PDIA3: variants seen among roughly 807,000 people sequenced by gnomAD.
PDIA3 encodes the protein protein disulfide-isomerase A3.
Under a neutral mutation model 56.9 loss-of-function variants are expected in PDIA3, and 16 were observed. That is an observed-to-expected ratio of 0.28 (90% CI 0.19 to 0.43). The LOEUF is 0.43. Ranked by LOEUF, PDIA3 falls within the 20% of genes least tolerant of loss-of-function variation. PDIA3 has a pLI of 1.00. For missense variants in PDIA3, 485 were observed against 621.3 expected, an observed-to-expected ratio of 0.78 and a Z score of 2.33; for synonymous variants, 192 against 216.5, an observed-to-expected ratio of 0.89 and a Z score of 0.99.
chr15:43,769,557 G>T lies in PDIA3; in HGVS notation c.1177G>T (p.Glu393Ter). 1 of 1,612,894 alleles carries T rather than the reference G, an allele frequency of 6.2e-7. No individual in the cohort carries two copies. The highest frequency in any genetic ancestry group is 8.5e-7 in the Non-Finnish European group (1 of 1,178,870). ...AENFDEIVNN[E>*]NKDVLIEFYA... ...GAATTTTGATGAAATAGTGAATAAT[G>T]AAAATAAAGATGTGCTGATTGAATT... is the stretch of plus-strand genomic sequence containing the variant. The change falls in exon 10 of 13, where the codon GAA becomes TAA. Residue 393 changes from glutamate to a stop codon, truncating the protein, a stop_gained. Coordinates refer to ENST00000300289, the MANE Select transcript of PDIA3 (RefSeq NM_005313.5). LOFTEE classifies it high-confidence loss of function.
intron 1 of PDIA3, among the ~76,000 whole-genome samples, chr15:43,748,602 A>T (rs2141641412): frequency 6.6e-6 from 1 of 152,342 alleles, no homozygotes; most frequent in African/African-American, 2.4e-5. Context: ...AATTGGGTGG[A>T]TCTCTGCTGT....
chr15:43,749,654 G>A (rs1226507793), intron 1 of PDIA3, among the ~76,000 whole-genome samples: 1 of 152,092 alleles, frequency 6.6e-6, no homozygotes, highest in African/African-American at 2.4e-5. Context: ...TTAGCTGGAC[G>A]TGGTGGCGCA....
intron 2 of PDIA3, among the ~76,000 whole-genome samples, chr15:43,754,712 TAAAA>T (rs575346705): frequency 7.2e-6 from 1 of 138,248 alleles, no homozygotes; most frequent in Admixed American, 7.2e-5. Context: ...CCCTGTCTCT[TAAAA>T]AAAAAAAAAA....
intron 2 of PDIA3, among the ~76,000 whole-genome samples, chr15:43,754,392 CAAAAAAAAAAA>C (rs1048781007): frequency 2.0e-5 from 1 of 51,198 alleles, no homozygotes; most frequent in Non-Finnish European, 4.1e-5. Flanking sequence ...GACTCCGTCT[CAAAAAAAAAAA>C]AAAAAAAAAA....
At chr15:43,752,949 A>G in intron 1 of PDIA3, 2 of 460,328 alleles carry the variant, frequency 4.3e-6, no homozygotes, top group Non-Finnish European at 9.0e-6. Flanking sequence ...TGGGAAAGGT[A>G]TTCTAGTTTA....
At chr15:43,765,663 C>T (rs2086843339) in intron 6 of PDIA3, 97 bp downstream of exon 6, 2 of 916,340 alleles carry the variant, frequency 2.2e-6, no homozygotes, top group Non-Finnish European at 3.5e-6. Flanking sequence ...CGTAAACAGT[C>T]TATTTGGGGG....
At position 43,773,002 on chromosome 15, in the gene PDIA3, A is replaced by ATT. The variant is rs2086890253; in HGVS notation, c.*1785_*1786insTT. The ATT allele has an allele frequency of 9.9e-7, 1 of 1,013,428 alleles. No homozygotes were observed. Among genetic ancestry groups the ATT allele is most frequent in the African/African-American group, 1.6e-5 (1 of 61,804 alleles). 62.8% of individuals were successfully genotyped at this position (1,013,428 alleles called of 1,614,324 possible). ...CTAGAGCAGCTCTCTACTTGCCACC[A>ATT]TGGACTCCAGTGGTCAGCATAAGAA... On this transcript the variant is annotated 3_prime_UTR_variant, in exon 13 of 13. Coordinates refer to ENST00000300289, the MANE Select transcript of PDIA3 (RefSeq NM_005313.5).
intron 3 of PDIA3, among the ~76,000 whole-genome samples, chr15:43,758,675 GAAAAAATTAAAAA>G (rs2086795431): frequency 6.7e-6 from 1 of 149,016 alleles, no homozygotes; most frequent in Admixed American, 6.7e-5. Flanking sequence ...AAAAAAGATT[GAAAAAATTAAAAA>G]TAGAAGGCCA....
chr15:43,765,381 A>T, intron 5 of PDIA3, 69 bp from the exon 6 acceptor site: 1 of 396,522 alleles, frequency 2.5e-6, no homozygotes, highest in Non-Finnish European at 4.4e-6. Context: ...ACCCTATCTC[A>T]AAAAAAAAAA....
chr15:43,773,091 AG>A lies in PDIA3; in HGVS notation c.*1875del, dbSNP rs1185578965. ...TGTTCCTTTGTGTTTCACTAAGCAG[AG>A]GCTCAAAAATTCCCTTGATAACTTC... On this transcript the variant is annotated 3_prime_UTR_variant, in exon 13 of 13. Transcript: ENST00000300289. The A allele has an allele frequency of 6.4e-7, 1 of 1,572,020 alleles. No homozygotes were observed. The highest frequency in any genetic ancestry group is 8.6e-7 in the Non-Finnish European group (1 of 1,161,394).
At chr15:43,748,198 C>T (rs970235039) in intron 1 of PDIA3, among the ~76,000 whole-genome samples, 4 of 152,110 alleles carry the variant, frequency 2.6e-5, no homozygotes, top group African/African-American at 9.7e-5. Context: ...AATTTTGGGG[C>T]TGGGCATGGT....
chr15:43,770,594 C>G lies in PDIA3; in HGVS notation c.1404+14C>G. 1 of 1,552,744 alleles carries G rather than the reference C, an allele frequency of 6.4e-7. No individual in the cohort carries two copies. Among genetic ancestry groups the G allele is most frequent in the Non-Finnish European group, 8.9e-7 (1 of 1,124,118 alleles). On this transcript the variant is annotated intron_variant, in intron 12 of 12. Transcript: ENST00000300289. Reference sequence around the variant, plus strand: ...AAGAAATATGAAGTAAGTGAATTGTCCCATATCCCCACAAATATATACACA... The same window carrying G: ...AAGAAATATGAAGTAAGTGAATTGTGCCATATCCCCACAAATATATACACA...
chr15:43,765,232 T>A (rs749792179), intron 5 of PDIA3, among the ~76,000 whole-genome samples: 1 of 151,984 alleles, frequency 6.6e-6, no homozygotes, highest in Admixed American at 6.6e-5. Context: ...AAAAAATAAA[T>A]TAGTTGTGCA....
In PDIA3 at chr15:43,746,662, C is replaced by T. The variant is rs749795213; in HGVS notation, c.123C>T (p.Asp41=). The T allele has an allele frequency of 1.9e-6, 3 of 1,612,976 alleles. No individual in the cohort carries two copies. Among genetic ancestry groups the T allele is most frequent in the Admixed American group, 1.7e-5 (1 of 60,034 alleles). The change falls in exon 1 of 13, where the codon GAC becomes GAT. Residue 41 remains aspartate, a synonymous_variant. Coordinates refer to ENST00000300289, the MANE Select transcript of PDIA3 (RefSeq NM_005313.5). Reference sequence around the variant, plus strand: ...ACAACTTCGAGAGTCGCATCTCCGACACGGGCTCTGCGGGCCTCATGCTCG... The same window carrying T: ...ACAACTTCGAGAGTCGCATCTCCGATACGGGCTCTGCGGGCCTCATGCTCG... ...TDDNFESRIS[D]TGSAGLMLVE...
rs572947589 is a variant in PDIA3, at chr15:43,770,474, G to A, written c.1347-49G>A. 2.2e-5 allele frequency: 32 copies of A among 1,450,622 alleles called. No individual in the cohort carries two copies. In the African/African-American group the frequency reaches 4.0e-4, roughly 18 times the overall value. 89.9% of individuals were successfully genotyped at this position (1,450,622 alleles called of 1,614,324 possible). A position where few individuals can be genotyped will look rare whatever the true frequency, so the allele number is the denominator to read the frequency against. ...TCCTTCTTGGCTTAAGAGTTCTGCA[G>A]TATGGGCCCACATAACTGCTTGAAA... On this transcript the variant is annotated intron_variant, in intron 11 of 12. Transcript: ENST00000300289.
At chr15:43,769,091 G>A (rs2086866040) in intron 9 of PDIA3, among the ~76,000 whole-genome samples, 1 of 151,914 alleles carries the variant, frequency 6.6e-6, no homozygotes, top group African/African-American at 2.4e-5. Flanking sequence ...AGCCTGCGTA[G>A]AATTTTCTGA....
rs2086707138 is a variant in PDIA3 at position 43,746,615 on chromosome 15, G to A, written c.76G>A (p.Asp26Asn). Residue 26 changes from aspartate to asparagine, a missense_variant, in exon 1 of 13, where the codon GAC becomes AAC. Coordinates refer to ENST00000300289, the MANE Select transcript of PDIA3 (RefSeq NM_005313.5). The stretch of plus-strand genomic sequence containing the variant: ...CGCGGCCCGCCTCGCCGCTGCCTCC[G>A]ACGTGCTAGAACTCACGGACGACAA... Reference protein sequence around the residue: ...LAAARLAAASDVLELTDDNFE... With the variant: ...LAAARLAAASNVLELTDDNFE... 1 of 1,612,724 alleles carries A rather than the reference G, an allele frequency of 6.2e-7. No individual in the cohort carries two copies. The highest frequency in any genetic ancestry group is 1.1e-5 in the South Asian group (1 of 91,082).
Position 43,771,112 on chromosome 15 carries a change from G to A in PDIA3, c.1412G>A (p.Arg471His), listed in dbSNP as rs1053728. The A allele has an allele frequency of 7.5e-6, 12 of 1,608,858 alleles. No homozygotes were observed. Among genetic ancestry groups the A allele is most frequent in the Admixed American group, 1.7e-5 (1 of 59,744 alleles). Residue 471 changes from arginine (R) to histidine (H), a missense_variant, in exon 13 of 13, where the codon CGT (arginine) becomes CAT (histidine). Coordinates refer to ENST00000300289, the MANE Select transcript of PDIA3 (RefSeq NM_005313.5). ...KLNPKKYEGG[R>H]ELSDFISYLQ... ...TGATCTTTCTGTTTTCAGGGTGGCCGTGAATTAAGTGATTTTATTAGCTAT... is the reference window on the plus strand; with the variant it reads ...TGATCTTTCTGTTTTCAGGGTGGCCATGAATTAAGTGATTTTATTAGCTAT...
chr15:43,757,574 G>T (rs747903903), intron 3 of PDIA3, among the ~76,000 whole-genome samples: 195 of 143,904 alleles, frequency 1.4e-3, no homozygotes, highest in Non-Finnish European at 2.2e-3. Flanking sequence ...AAAAAAAAAA[G>T]TGTGGGCCAG....
Sources: allele counts gnomAD v4.1 joint callset (sites outside exome capture counted in the v4.1 genomes callset), GRCh38; gene constraint gnomAD v4.1.1; transcripts MANE v1.5; gene names NCBI Gene and HGNC (gene_info 2026-07-23, HGNC 2026-07-21).